Variants in DENND1A observed in about 807,000 individuals in gnomAD.
DENND1A encodes the protein DENN domain containing 1A, also known as DENN domain-containing protein 1A.
Under a neutral mutation model 113.7 loss-of-function variants are expected in DENND1A, and 51 were observed. The ratio of observed to expected loss-of-function variants is 0.45; its 90% CI spans 0.36 to 0.57. The LOEUF (loss-of-function observed/expected upper bound fraction) is 0.57. Ranked by LOEUF, DENND1A falls within the 20% of genes least tolerant of loss-of-function variation. DENND1A has a pLI of 0.00. For missense variants in DENND1A, 1,258 were observed against 1,395.9 expected, an observed-to-expected ratio of 0.90 and a Z score of 1.57; for synonymous variants, 565 against 570.8, an observed-to-expected ratio of 0.99 and a Z score of 0.14.
At chr9:123,395,468 C>CTCTCTCTGTGTGTGTGTGTGTGTGTG (rs367751848) in intron 21 of DENND1A, among the ~76,000 whole-genome samples, 79 of 142,974 alleles carry the variant, frequency 5.5e-4, no homozygotes, top group African/African-American at 7.3e-4. Flanking sequence ...CTCTCTCTCT[C>CTCTCTCTGTGTGTGTGTGTGTGTGTG]TGTGTGTGTG....
chr9:123,547,904 G>A (rs1296024615), intron 13 of DENND1A, among the ~76,000 whole-genome samples: 3 of 152,130 alleles, frequency 2.0e-5, no homozygotes, highest in African/African-American at 7.2e-5. Flanking sequence ...CTATCATTTA[G>A]TTAACATCTA....
chr9:123,855,994 G>A (rs1590392103), intron 2 of DENND1A, among the ~76,000 whole-genome samples: 1 of 152,074 alleles, frequency 6.6e-6, no homozygotes, highest in South Asian at 2.1e-4. Flanking sequence ...CCGAGATCGC[G>A]CCATTGCACT....
chr9:123,398,643 C>T (rs529209120), intron 21 of DENND1A, among the ~76,000 whole-genome samples: 1 of 152,042 alleles, frequency 6.6e-6, no homozygotes, highest in East Asian at 1.9e-4. Flanking sequence ...TCCCAAAGTG[C>T]TGGGATAACA....
intron 5 of DENND1A, among the ~76,000 whole-genome samples, chr9:123,732,475 G>A (rs2068247521): frequency 6.6e-6 from 1 of 152,212 alleles, no homozygotes; most frequent in African/African-American, 2.4e-5. Context: ...TTGTGACACT[G>A]TGGAAAAGGT....
intron 9 of DENND1A, among the ~76,000 whole-genome samples, chr9:123,648,748 A>T (rs1005466083): frequency 2.0e-5 from 3 of 152,288 alleles, no homozygotes; most frequent in South Asian, 4.1e-4. Flanking sequence ...TTGTCTTCTA[A>T]ATGTTTTTAA....
At chr9:123,416,480 G>A (rs945738437) in intron 19 of DENND1A, among the ~76,000 whole-genome samples, 9 of 152,240 alleles carry the variant, frequency 5.9e-5, no homozygotes, top group Admixed American at 2.6e-4. Context: ...ATGCAGCAGA[G>A]AATCGAAGCA....
At chr9:123,527,020 C>T (rs1185366159) in intron 13 of DENND1A, among the ~76,000 whole-genome samples, 1 of 152,240 alleles carries the variant, frequency 6.6e-6, no homozygotes, top group Non-Finnish European at 1.5e-5. Context: ...CCCTCCCAAA[C>T]TGGTTCTTCT....
At chr9:123,916,593 G>A (rs925901697) in intron 1 of DENND1A, among the ~76,000 whole-genome samples, 2 of 151,958 alleles carry the variant, frequency 1.3e-5, no homozygotes, top group Admixed American at 1.3e-4. Context: ...GGCTGGTCTC[G>A]AACTCCCGAC....
At chr9:123,886,462 C>T (rs1453794671) in intron 1 of DENND1A, among the ~76,000 whole-genome samples, 1 of 152,202 alleles carries the variant, frequency 6.6e-6, no homozygotes, top group Non-Finnish European at 1.5e-5. Flanking sequence ...AGCTTCAGCG[C>T]AGTGTTTCCT....
chr9:123,642,769 C>T (rs1385752601), intron 9 of DENND1A, among the ~76,000 whole-genome samples: 1 of 152,144 alleles, frequency 6.6e-6, no homozygotes, highest in African/African-American at 2.4e-5. Flanking sequence ...TTCAAAGCTC[C>T]TTCAACTGCC....
At chr9:123,536,620 C>T (rs772897116) in intron 13 of DENND1A, among the ~76,000 whole-genome samples, 12 of 151,976 alleles carry the variant, frequency 7.9e-5, no homozygotes, top group South Asian at 2.1e-4. Flanking sequence ...TGAAGGAGAC[C>T]GAGCCGTCCA....
At chr9:123,917,308 C>A (rs1050549474) in intron 1 of DENND1A, among the ~76,000 whole-genome samples, 5 of 152,066 alleles carry the variant, frequency 3.3e-5, no homozygotes, top group African/African-American at 7.2e-5. Context: ...GTGAAATATA[C>A]CCTAACGACC....
At chr9:123,675,717 A>G (rs889417021) in intron 6 of DENND1A, among the ~76,000 whole-genome samples, 13 of 152,274 alleles carry the variant, frequency 8.5e-5, no homozygotes, top group African/African-American at 3.1e-4. Context: ...AACAAATTCA[A>G]CAAATGATCC....
intron 13 of DENND1A, among the ~76,000 whole-genome samples, chr9:123,547,393 G>T (rs1327039444): frequency 6.6e-6 from 1 of 152,148 alleles, no homozygotes; most frequent in Non-Finnish European, 1.5e-5. Context: ...GCTGGGCATG[G>T]TGGCGCATGC....
intron 10 of DENND1A, 135 bp downstream of exon 10, chr9:123,630,241 T>A: frequency 6.0e-6 from 1 of 167,884 alleles, no homozygotes; most frequent in Non-Finnish European, 1.2e-5. Context: ...AGATGGATTC[T>A]CACTATTTTG....
At chr9:123,638,379 A>G in intron 9 of DENND1A, among the ~76,000 whole-genome samples, 1 of 152,180 alleles carries the variant, frequency 6.6e-6, no homozygotes, top group East Asian at 1.9e-4. Flanking sequence ...GGGACAGCCA[A>G]TGTGCCACCA....
At chr9:123,847,107 T>A (rs1390106728) in intron 2 of DENND1A, among the ~76,000 whole-genome samples, 1 of 152,224 alleles carries the variant, frequency 6.6e-6, no homozygotes, top group Non-Finnish European at 1.5e-5. Flanking sequence ...CCTCCCAAAG[T>A]GCTAGGTTAC....
At chr9:123,807,412 C>T (rs75145906) in intron 2 of DENND1A, among the ~76,000 whole-genome samples, 2,115 of 152,320 alleles carry the variant, frequency 0.014, 23 homozygotes, top group Non-Finnish European at 0.019. Flanking sequence ...CTGTAATATT[C>T]GCTACTTTGG....
chr9:123,448,946 T>A (rs746876134), intron 18 of DENND1A, among the ~76,000 whole-genome samples: 23 of 152,174 alleles, frequency 1.5e-4, no homozygotes, highest in Non-Finnish European at 2.5e-4. Flanking sequence ...GAGTGGTACG[T>A]TTGGGGGCAT....
Sources: allele counts gnomAD v4.1 joint callset (sites outside exome capture counted in the v4.1 genomes callset), GRCh38; gene constraint gnomAD v4.1.1; transcripts MANE v1.5; gene names NCBI Gene and HGNC (gene_info 2026-07-23, HGNC 2026-07-21).